WDR90: variants seen among roughly 807,000 people sequenced by gnomAD.
WDR90 encodes the protein WD repeat domain 90.
A neutral mutation model predicts 195.2 loss-of-function variants in WDR90; 238 were observed. The ratio of observed to expected loss-of-function variants is 1.22; its 90% CI spans 1.10 to 1.36. WDR90 has a LOEUF of 1.36. Ranked by LOEUF, WDR90 falls within the 40% of genes most tolerant of loss-of-function variation. The pLI, the probability that WDR90 is intolerant of heterozygous loss-of-function variation, is 0.00. For missense variants in WDR90, 2,734 were observed against 2,439.5 expected (o/e 1.12, Z -2.54); for synonymous variants, 1,265 against 1,052.4 (o/e 1.20, Z -3.91).
Position 653,363 on chromosome 16 carries a change from C to T in WDR90, c.1145C>T (p.Ala382Val), listed in dbSNP as rs765505633. 1.9e-5 allele frequency: 30 copies of T among 1,579,286 alleles called. 1 individual carries two copies. Among genetic ancestry groups the T allele is most frequent in the Middle Eastern group, 1.7e-4 (1 of 5,902 alleles). Residue 382 changes from alanine (A) to valine (V), a missense_variant, in exon 11 of 41, where the codon GCG becomes GTG. Coordinates refer to ENST00000293879, the MANE Select transcript of WDR90 (RefSeq NM_145294.5). ...CAGGCCCTGTGGACCCCAGACGGGG[C>T]GGCTGTCGTGTACCCCTGCCATGCG... ...TRQALWTPDG[A>V]AVVYPCHAVI...
intron 34 of WDR90, chr16:665,403 C>T (rs1032194667): frequency 3.2e-5 from 19 of 588,978 alleles, no homozygotes; most frequent in Admixed American, 2.5e-4. Context: ...CGGCCACGCT[C>T]CTGTCTTTGA....
chr16:656,753 G>A lies in WDR90; in HGVS notation c.2224G>A (p.Glu742Lys), dbSNP rs1427752065. 3.7e-6 allele frequency: 6 copies of A among 1,613,068 alleles called. No individual in the cohort carries two copies. The highest frequency in any genetic ancestry group is 2.2e-5 in the East Asian group (1 of 44,900). ...LQQLYDFTSS[E>K]DAPCAVTFHP... is the part of the protein sequence containing the mutation. ...ACAGCTATACGACTTCACATCATCA[G>A]AGGACGCCCCGTGCGCTGTCACCTT... The change falls in exon 19 of 41, where the codon GAG becomes AAG. Residue 742 changes from glutamate to lysine, a missense_variant. By Grantham distance (56) the Glu-to-Lys change is moderately conservative. Transcript: ENST00000293879.
At chr16:653,475 C>A (rs368393262) in intron 11 of WDR90, 24 bp downstream of exon 11, 9 of 1,612,252 alleles carry the variant, frequency 5.6e-6, no homozygotes, top group South Asian at 5.5e-5. Flanking sequence ...GGGCCTGGGG[C>A]AGCTCACACC....
In WDR90 at chr16:667,458, G is replaced by A; in HGVS notation, c.5116G>A (p.Ala1706Thr). The part of the protein sequence containing the change: ...AECMLRLVDC[A>T]MGTAQDFAGH... ...GTGCATGCTGAGGCTGGTAGACTGT[G>A]CCATGGGGACTGCCCAAGACTTTGC... Residue 1706 changes from alanine (A) to threonine (T), a missense_variant, in exon 41 of 41, where the codon GCC (alanine) becomes ACC (threonine). Physicochemically the swap from Ala to Thr is moderately conservative, Grantham distance 58. Transcript: ENST00000293879. 6.2e-7 allele frequency: 1 copy of A among 1,606,698 alleles called. No homozygotes were observed. Among genetic ancestry groups the A allele is most frequent in the South Asian group, 1.1e-5 (1 of 90,954 alleles).
intron 35 of WDR90, 43 bp downstream of exon 35, chr16:665,844 C>A: frequency 6.4e-7 from 1 of 1,554,442 alleles, no homozygotes. Context: ...TGGGGGCCTG[C>A]TCAGTGGGGG....
chr16:666,935 G>A lies in WDR90; in HGVS notation c.5035G>A (p.Ala1679Thr). ...VVEKIPLPFF[A>T]MSLSLSPGTH... is the part of the protein sequence containing the mutation. ...GGAGAAGATACCACTGCCCTTTTTT[G>A]CCATGTCCCTGAGCCTGTCCCCCGG... Residue 1679 changes from alanine to threonine, a missense_variant, in exon 40 of 41, where the codon GCC (alanine) becomes ACC (threonine). Ala to Thr is a moderately conservative substitution (Grantham distance 58). Coordinates refer to ENST00000293879, the MANE Select transcript of WDR90 (RefSeq NM_145294.5). 6.2e-7 allele frequency: 1 copy of A among 1,612,644 alleles called. No homozygotes were observed. The highest frequency in any genetic ancestry group is 8.5e-7 in the Non-Finnish European group (1 of 1,179,558).
At chr16:662,911 C>T (rs2151340351) in intron 34 of WDR90, 67 bp downstream of exon 34, 1 of 1,529,166 alleles carries the variant, frequency 6.5e-7, no homozygotes, top group African/African-American at 1.4e-5. Flanking sequence ...CCTGCCGGCT[C>T]CATCTCCACC....
At chr16:649,460 CGGGTTCCG>C (rs752905302) in intron 1 of WDR90, 34 bp downstream of exon 1, 190 of 1,289,612 alleles carry the variant, frequency 1.5e-4, no homozygotes, top group East Asian at 3.5e-4. Flanking sequence ...CCGAGGATCC[CGGGTTCCG>C]GGGTTCCGGG....
At position 659,018 on chromosome 16, in the gene WDR90, G is replaced by A. The variant is rs2151278681; in HGVS notation, c.3011+7G>A. On this transcript the variant is annotated splice_region_variant and intron_variant, in intron 24 of 40. Coordinates refer to ENST00000293879, the MANE Select transcript of WDR90 (RefSeq NM_145294.5). ...TCCTGGCCCCTACTGAGAGGCAAGT[G>A]CCTACTCTCAGCTGTGTCTGCCTAG... 1.9e-6 allele frequency: 3 copies of A among 1,613,142 alleles called. No individual in the cohort carries two copies. Among genetic ancestry groups the A allele is most frequent in the East Asian group, 2.2e-5 (1 of 44,874 alleles).
Position 660,095 on chromosome 16 carries a change from C to T in WDR90, c.3222C>T (p.Thr1074=), listed in dbSNP as rs765910702. 87 of 1,548,370 alleles carry T rather than the reference C, an allele frequency of 5.6e-5. No individual in the cohort carries two copies. Among genetic ancestry groups the T allele is most frequent in the Admixed American group, 1.4e-4 (7 of 50,958 alleles). Residue 1074 remains threonine, a synonymous_variant, in exon 27 of 41, where the codon ACC becomes ACT. Coordinates refer to ENST00000293879, the MANE Select transcript of WDR90 (RefSeq NM_145294.5). ...CCAGGAATTCGGGGGCCCCACGCACCACCTACCTGGCTTCCTGCAAGGCCT... is the reference window on the plus strand; with the variant it reads ...CCAGGAATTCGGGGGCCCCACGCACTACCTACCTGGCTTCCTGCAAGGCCT... ...RDTRNSGAPR[T]TYLASCKAFT... is the part of the protein sequence containing the mutation.
chr16:662,958 G>T (rs1474120566), intron 34 of WDR90, 114 bp downstream of exon 34: 1 of 1,461,522 alleles, frequency 6.8e-7, no homozygotes, highest in Non-Finnish European at 9.3e-7. Context: ...TCACTGGCTC[G>T]CAGCGGCCGC....
At chr16:659,631 G>A (rs545817606) in intron 26 of WDR90, among the ~76,000 whole-genome samples, 1 of 152,314 alleles carries the variant, frequency 6.6e-6, no homozygotes, top group South Asian at 2.1e-4. Context: ...GTCCCCGTCA[G>A]ATGAGGAAGG....
intron 34 of WDR90, 114 bp from the exon 35 acceptor site, chr16:665,565 A>T (rs768477799): frequency 1.8e-5 from 28 of 1,548,510 alleles, no homozygotes; most frequent in Non-Finnish European, 2.4e-5. Flanking sequence ...CCGGGGCCAG[A>T]GGCACATGCT....
chr16:651,297 T>C (rs748282590), intron 7 of WDR90, 31 bp downstream of exon 7: 3 of 1,610,664 alleles, frequency 1.9e-6, no homozygotes, highest in Non-Finnish European at 2.5e-6. Context: ...GGGACCCAGG[T>C]TAAGGCCTGT....
At position 650,894 on chromosome 16, in the gene WDR90, G is replaced by A. The variant is rs2037631853; in HGVS notation, c.560-101G>A. 4.7e-6 allele frequency: 7 copies of A among 1,499,308 alleles called. No homozygotes were observed. In the South Asian group the frequency reaches 7.1e-5, roughly 15 times the overall value. The allele number at this position is 1,499,308 out of a possible 1,614,324, so 92.9% of individuals were successfully genotyped here. On this transcript the variant is annotated intron_variant, in intron 5 of 40. Coordinates refer to ENST00000293879, the MANE Select transcript of WDR90 (RefSeq NM_145294.5). ...CATCCCAGAGGCAGCCCTGGGGTGG[G>A]GCGGTGGCTGGGCTGGTGGCGTGGC... is the stretch of plus-strand genomic sequence containing the variant.
rs998632509 is a variant in WDR90 at position 659,298 on chromosome 16, C to T, written c.3106C>T (p.Arg1036Trp). The T allele has an allele frequency of 8.1e-6, 13 of 1,602,172 alleles. No homozygotes were observed. The highest frequency in any genetic ancestry group is 2.7e-5 in the African/African-American group (2 of 74,754). ...DAASRASELP[R>W]QQVPKPCQAS... ...AGCGTCCAGGGCCAGCGAGCTCCCC[C>T]GGCAGCAGGTCCCCAAGCCATGTCA... is the stretch of plus-strand genomic sequence containing the variant. The change falls in exon 26 of 41, where the codon CGG becomes TGG. Residue 1036 changes from arginine (R) to tryptophan (W), a missense_variant. Arg to Trp is a moderately radical substitution (Grantham distance 101, BLOSUM62 -3). Transcript: ENST00000293879.
chr16:657,658 G>A (rs1249371673), intron 20 of WDR90, 104 bp from the exon 21 acceptor site: 15 of 1,392,136 alleles, frequency 1.1e-5, no homozygotes, highest in East Asian at 2.6e-5. Flanking sequence ...CTCCGGGGCT[G>A]GTGTTTCCCG....
Position 655,817 on chromosome 16 carries a change from T to C in WDR90, c.1894T>C (p.Cys632Arg). 2.5e-6 allele frequency: 4 copies of C among 1,595,716 alleles called. No individual in the cohort carries two copies. Among genetic ancestry groups the C allele is most frequent in the Non-Finnish European group, 3.4e-6 (4 of 1,172,858 alleles). ...ISSLSVSPAM[C>R]AVGSEDGFLR... is the part of the protein sequence containing the mutation. ...CAGCCTCAGCGTCTCCCCGGCCATG[T>C]GTGCTGTGGGCTCTGAGGACGGCTT... is the stretch of plus-strand genomic sequence containing the variant. The change falls in exon 17 of 41, where the codon TGT (cysteine) becomes CGT (arginine). Residue 632 changes from cysteine (C) to arginine (R), a missense_variant. Physicochemically the swap from Cys to Arg is radical, Grantham distance 180 (BLOSUM62 -3). Coordinates refer to ENST00000293879, the MANE Select transcript of WDR90 (RefSeq NM_145294.5).
In WDR90 at chr16:660,079, C is replaced by T. The variant is rs371693722; in HGVS notation, c.3206C>T (p.Ser1069Leu). ...CCAGGCGCCAGGGACACCAGGAATTCGGGGGCCCCACGCACCACCTACCTG... is the reference window on the plus strand; with the variant it reads ...CCAGGCGCCAGGGACACCAGGAATTTGGGGGCCCCACGCACCACCTACCTG... ...GGDGARDTRN[S>L]GAPRTTYLAS... The change falls in exon 27 of 41, where the codon TCG becomes TTG. Residue 1069 changes from serine to leucine, a missense_variant. Coordinates refer to ENST00000293879, the MANE Select transcript of WDR90 (RefSeq NM_145294.5). 184 of 1,546,248 alleles carry T rather than the reference C, an allele frequency of 1.2e-4. No homozygotes were observed. The highest frequency in any genetic ancestry group is 2.7e-4 in the East Asian group (11 of 41,376).
Sources: allele counts gnomAD v4.1 joint callset (sites outside exome capture counted in the v4.1 genomes callset), GRCh38; gene constraint gnomAD v4.1.1; transcripts MANE v1.5; gene names NCBI Gene and HGNC (gene_info 2026-07-23, HGNC 2026-07-21).